The following SUFU variants were observed in gnomAD, a reference collection of about 807,000 sequenced individuals.
SUFU encodes the protein SUFU negative regulator of hedgehog signaling.
SUFU carries 7 observed loss-of-function variants against 58.9 expected under a neutral mutation model. The observed-to-expected ratio is 0.12, with a 90% CI of 0.07 to 0.22. The LOEUF is 0.22. Ranked by LOEUF, SUFU falls within the 10% of genes least tolerant of loss-of-function variation. The probability of loss-of-function intolerance (pLI) is 1.00; values close to 1 mark genes in which losing one functional copy is unlikely to be tolerated. For synonymous variants in SUFU, 232 were observed against 254.8 expected, an observed-to-expected ratio of 0.91 and a Z score of 0.85; for missense variants, 451 against 641.3, an observed-to-expected ratio of 0.70 and a Z score of 3.20.
rs1564710888 is a variant in SUFU, at chr10:102,625,816, T to A, written c.1297-1359T>A. Among the ~76,000 whole-genome samples, 1 of 152,194 alleles carries A rather than the reference T, an allele frequency of 6.6e-6. No homozygotes were observed. The highest frequency in any genetic ancestry group is 2.4e-5 in the African/African-American group (1 of 41,448). The stretch of plus-strand genomic sequence containing the variant: ...CCGTCCACTTCTTGCTTTAGAGACC[T>A]CCGTCCTGTGAGCTCCCGAGCCGTC... On this transcript the variant is annotated intron_variant, in intron 10 of 11. Transcript: ENST00000369902. The surrounding 1 kb of genome is among the most constrained non-coding windows in gnomAD (Gnocchi z 4.7).
At chr10:102,534,683 G>A (rs747924433) in intron 2 of SUFU, among the ~76,000 whole-genome samples, 14 of 152,194 alleles carry the variant, frequency 9.2e-5, no homozygotes, top group Non-Finnish European at 1.3e-4. Context: ...GACAGGAAAC[G>A]GTACAAATAG....
chr10:102,537,509 C>T (rs532478773), intron 2 of SUFU, among the ~76,000 whole-genome samples: 16 of 152,270 alleles, frequency 1.1e-4, no homozygotes, highest in East Asian at 3.9e-4. Flanking sequence ...GCAACCATAA[C>T]CACCTTCCAC....
At chr10:102,590,052 C>T (rs1202475938) in intron 3 of SUFU, among the ~76,000 whole-genome samples, 1 of 148,618 alleles carries the variant, frequency 6.7e-6, no homozygotes, top group Non-Finnish European at 1.5e-5. Context: ...ATCTGTATTA[C>T]ATTGATTTTC....
chr10:102,570,119 C>T (rs768704904), intron 3 of SUFU, among the ~76,000 whole-genome samples: 1 of 152,132 alleles, frequency 6.6e-6, no homozygotes, highest in South Asian at 2.1e-4. Context: ...CTCACCATCC[C>T]TGAAGTTTTC....
At chr10:102,522,262 T>C (rs1170844001) in intron 2 of SUFU, among the ~76,000 whole-genome samples, 1 of 152,178 alleles carries the variant, frequency 6.6e-6, no homozygotes, top group Non-Finnish European at 1.5e-5. Context: ...GTTTAGGTAG[T>C]ATATGTATGA....
chr10:102,612,195 G>GTGTGTGTGTGTGTGTGTGCACGCGCA (rs2063633302), intron 8 of SUFU, among the ~76,000 whole-genome samples: 2 of 108,984 alleles, frequency 1.8e-5, no homozygotes, highest in South Asian at 6.7e-4. Flanking sequence ...GTGTGTGTGT[G>GTGTGTGTGTGTGTGTGTGCACGCGCA]TGTGTGTGTG....
At chr10:102,517,064 A>G (rs1589982650) in intron 2 of SUFU, among the ~76,000 whole-genome samples, 2 of 150,020 alleles carry the variant, frequency 1.3e-5, no homozygotes, top group Middle Eastern at 7.1e-3. Flanking sequence ...TGGAGGTTGC[A>G]GTGAGCCGAG....
At chr10:102,589,958 C>CT (rs1392059331) in intron 3 of SUFU, among the ~76,000 whole-genome samples, 1 of 151,226 alleles carries the variant, frequency 6.6e-6, no homozygotes. Flanking sequence ...TATTCCAAAT[C>CT]TGAGTTTTTT....
chr10:102,523,530 CT>C (rs1176953833), intron 2 of SUFU, among the ~76,000 whole-genome samples: 1 of 152,200 alleles, frequency 6.6e-6, no homozygotes, highest in African/African-American at 2.4e-5. Context: ...TCTGACAAAG[CT>C]TGGTTGGTTA....
At chr10:102,585,472 T>C (rs1251658404) in intron 3 of SUFU, among the ~76,000 whole-genome samples, 1 of 152,232 alleles carries the variant, frequency 6.6e-6, no homozygotes, top group Non-Finnish European at 1.5e-5. Flanking sequence ...CTAGTGGATA[T>C]GAAGTGGTGG....
rs1031500368 is a variant in SUFU, at chr10:102,630,636, G to A, written c.*481G>A. The A allele has an allele frequency of 6.6e-6, 2 of 301,040 alleles. No homozygotes were observed. The highest frequency in any genetic ancestry group is 9.1e-5 in the Admixed American group (2 of 21,868). The allele number at this position is 301,040 out of a possible 1,614,324, so 18.6% of individuals were successfully genotyped here. A position where few individuals can be genotyped will look rare whatever the true frequency, so the allele number is the denominator to read the frequency against. On this transcript the variant is annotated 3_prime_UTR_variant, in exon 12 of 12. Coordinates refer to ENST00000369902, the MANE Select transcript of SUFU (RefSeq NM_016169.4). ...GCCGCGGAACAATTCCTCTGATCAT[G>A]TTTGGTTTTCTTCTTCCTTATTTTA...
chr10:102,504,257 C>T lies in SUFU; in HGVS notation c.105C>T (p.His35=), dbSNP rs756766794. ...CTTCGCTCTTTCCCCCGGGACTGCA[C>T]GCCATCTACGGAGAGTGCCGCCGCC... ...AFASLFPPGL[H]AIYGECRRLY... is the part of the protein sequence containing the mutation. The change falls in exon 1 of 12, where the codon CAC becomes CAT. Residue 35 remains histidine (H), a synonymous_variant. Coordinates refer to ENST00000369902, the MANE Select transcript of SUFU (RefSeq NM_016169.4). The T allele has an allele frequency of 2.5e-6, 4 of 1,613,944 alleles. No individual in the cohort carries two copies. Among genetic ancestry groups the T allele is most frequent in the South Asian group, 2.2e-5 (2 of 91,082 alleles).
chr10:102,532,040 G>A (rs1381938439), intron 2 of SUFU, among the ~76,000 whole-genome samples: 1 of 151,790 alleles, frequency 6.6e-6, no homozygotes, highest in Admixed American at 6.6e-5. Flanking sequence ...TTGGCTCACT[G>A]CAGCCTCTGC....
At chr10:102,594,764 C>T (rs1448708715) in intron 6 of SUFU, among the ~76,000 whole-genome samples, 1 of 152,144 alleles carries the variant, frequency 6.6e-6, no homozygotes, top group African/African-American at 2.4e-5. Context: ...TCTCACCCAG[C>T]CTGGAGTGCA....
At chr10:102,626,303 T>A (rs2063785857) in intron 10 of SUFU, among the ~76,000 whole-genome samples, 1 of 152,130 alleles carries the variant, frequency 6.6e-6, no homozygotes, top group Admixed American at 6.5e-5. Flanking sequence ...CCCAGCAGAT[T>A]GAGGAAGGCC....
rs1363458155 is a variant in SUFU, at chr10:102,597,235, T to TGACGAGGAC, written c.853_861dup (p.Asp285_Asp287dup). ...ATGACCTGAGCCGGCCCCCCGAGGA[T>TGACGAGGAC]GACGAGGACAGCCGGAGCATCTGCA... On this transcript the variant is annotated inframe_insertion, in exon 7 of 12. Coordinates refer to ENST00000369902, the MANE Select transcript of SUFU (RefSeq NM_016169.4). 2.5e-6 allele frequency: 4 copies of TGACGAGGAC among 1,613,790 alleles called. No individual in the cohort carries two copies. The highest frequency in any genetic ancestry group is 2.7e-5 in the African/African-American group (2 of 74,850).
At chr10:102,516,696 C>A (rs747156447) in intron 2 of SUFU, among the ~76,000 whole-genome samples, 1 of 151,808 alleles carries the variant, frequency 6.6e-6, no homozygotes, top group Admixed American at 6.6e-5. Context: ...TACAGGTGCC[C>A]GCCAACACGC....
chr10:102,589,442 CTTTTTT>C (rs747625757), intron 3 of SUFU, among the ~76,000 whole-genome samples: 1 of 65,358 alleles, frequency 1.5e-5, no homozygotes, highest in African/African-American at 6.3e-5. Context: ...TTCTTTCTTT[CTTTTTT>C]TTTTTTTTTT....
At chr10:102,535,146 C>G (rs991140385) in intron 2 of SUFU, among the ~76,000 whole-genome samples, 1 of 152,072 alleles carries the variant, frequency 6.6e-6, no homozygotes, top group African/African-American at 2.4e-5. Flanking sequence ...GCCCAGTTCT[C>G]CATCCAGCCT....
Sources: gnomAD v4.1 joint callset for allele counts (sites outside exome capture counted in the v4.1 genomes callset) on GRCh38, gnomAD v4.1.1 for gene constraint, Gnocchi (gnomAD v3.1) non-coding constraint, MANE v1.5 for transcripts, NCBI Gene and HGNC (gene_info 2026-07-23, HGNC 2026-07-21) for gene names.